The following MBOAT2 variants were observed in gnomAD, a reference collection of about 807,000 sequenced individuals.
MBOAT2 encodes the protein membrane bound glycerophospholipid O-acyltransferase 2, also known as membrane-bound glycerophospholipid O-acyltransferase 2.
MBOAT2 carries 28 observed loss-of-function variants against 63.4 expected under a neutral mutation model. That is an observed-to-expected ratio of 0.44 (90% CI 0.33 to 0.61). The LOEUF is 0.61. Ranked by LOEUF, MBOAT2 falls within the 20% of genes least tolerant of loss-of-function variation. The pLI, the probability that MBOAT2 is intolerant of heterozygous loss-of-function variation, is 0.03. For missense variants in MBOAT2, 470 were observed against 605.8 expected (o/e 0.78, Z 2.35); for synonymous variants, 211 against 215.6 (o/e 0.98, Z 0.19).
rs1279346489 is a variant in MBOAT2 at position 8,853,371 on chromosome 2, A to G, written c.*5308T>C. ...TCTGTGTGCGCAGAACCAAAAATACATAAAATTGGGAAAGAGGCATATTTA... is the reference window on the plus strand; with the variant it reads ...TCTGTGTGCGCAGAACCAAAAATACGTAAAATTGGGAAAGAGGCATATTTA... On this transcript the variant is annotated 3_prime_UTR_variant, in exon 13 of 13. Transcript: ENST00000305997. 3 of 152,228 alleles carry G rather than the reference A, an allele frequency of 2.0e-5. No homozygotes were observed. Among genetic ancestry groups the G allele is most frequent in the East Asian group, 1.9e-4 (1 of 5,206 alleles). 9.4% of individuals were successfully genotyped at this position (152,228 alleles called of 1,614,324 possible).
chr2:8,900,887 G>T (rs936861571), intron 4 of MBOAT2, among the ~76,000 whole-genome samples: 15 of 152,224 alleles, frequency 9.9e-5, no homozygotes, highest in African/African-American at 3.6e-4. Flanking sequence ...AGAATACTGG[G>T]GCCAGGCTGT....
chr2:8,977,010 C>T (rs77695500), intron 1 of MBOAT2, among the ~76,000 whole-genome samples: 3,275 of 152,092 alleles, frequency 0.022, 128 homozygotes, highest in African/African-American at 0.074. Flanking sequence ...TGACAAAAAG[C>T]TTATCAGTGG....
At chr2:8,991,956 T>C (rs1285043621) in intron 1 of MBOAT2, among the ~76,000 whole-genome samples, 3 of 152,194 alleles carry the variant, frequency 2.0e-5, no homozygotes, top group African/African-American at 4.8e-5. Flanking sequence ...CCCACGCATC[T>C]GCCTTTCCAT....
intron 1 of MBOAT2, among the ~76,000 whole-genome samples, chr2:9,000,557 A>G (rs1473442612): frequency 6.6e-6 from 1 of 152,250 alleles, no homozygotes; most frequent in African/African-American, 2.4e-5. Context: ...AACTCAAACT[A>G]CAGTCATGTG....
chr2:8,936,149 T>A (rs1262930579), intron 3 of MBOAT2, among the ~76,000 whole-genome samples: 2 of 152,188 alleles, frequency 1.3e-5, no homozygotes, highest in Non-Finnish European at 2.9e-5. Flanking sequence ...TGGTGGGTAG[T>A]TTGACTGTAA....
intron 1 of MBOAT2, among the ~76,000 whole-genome samples, chr2:8,975,352 C>T (rs1283875043): frequency 6.6e-6 from 1 of 152,122 alleles, no homozygotes. Flanking sequence ...TAAACCGTCA[C>T]TCACTGGCCT....
chr2:8,986,845 C>T (rs1300363153), intron 1 of MBOAT2, among the ~76,000 whole-genome samples: 1 of 152,190 alleles, frequency 6.6e-6, no homozygotes, highest in Non-Finnish European at 1.5e-5. Context: ...CACGCGAGCA[C>T]ACCCCCAAGT....
chr2:8,980,541 G>C (rs1337076052), intron 1 of MBOAT2, among the ~76,000 whole-genome samples: 2 of 152,088 alleles, frequency 1.3e-5, no homozygotes, highest in African/African-American at 4.8e-5. Context: ...TGCCTACCTG[G>C]CCACCTAGAC....
chr2:8,947,654 G>C (rs1668513788), intron 2 of MBOAT2, among the ~76,000 whole-genome samples: 1 of 152,118 alleles, frequency 6.6e-6, no homozygotes, highest in African/African-American at 2.4e-5. Flanking sequence ...TCTGTTAATG[G>C]AAAAACAAAG....
chr2:8,915,981 G>C (rs895998958), intron 3 of MBOAT2, among the ~76,000 whole-genome samples: 1 of 152,166 alleles, frequency 6.6e-6, no homozygotes. Context: ...TGGTTTATGG[G>C]AGGCAGAAAA....
chr2:8,909,766 G>GT (rs1275844429), intron 3 of MBOAT2, among the ~76,000 whole-genome samples: 1 of 152,170 alleles, frequency 6.6e-6, no homozygotes, highest in African/African-American at 2.4e-5. Context: ...CATGATTGCT[G>GT]TATCTGACAA....
intron 4 of MBOAT2, among the ~76,000 whole-genome samples, chr2:8,906,576 G>T (rs988444963): frequency 6.6e-6 from 1 of 152,178 alleles, no homozygotes; most frequent in East Asian, 1.9e-4. Flanking sequence ...CTCTTATTAC[G>T]TTGAGCCACT....
chr2:8,871,335 A>G (rs1039316048), intron 8 of MBOAT2, among the ~76,000 whole-genome samples: 10 of 152,128 alleles, frequency 6.6e-5, no homozygotes, highest in African/African-American at 2.2e-4. Flanking sequence ...ATTTACAGAG[A>G]TCTTGTGATT....
chr2:8,958,091 C>T (rs1669352896), intron 2 of MBOAT2, among the ~76,000 whole-genome samples: 1 of 152,078 alleles, frequency 6.6e-6, no homozygotes, highest in African/African-American at 2.4e-5. Context: ...TAAAAAATGG[C>T]AATAAAGTTC....
chr2:8,872,187 C>T (rs57466485), intron 8 of MBOAT2, among the ~76,000 whole-genome samples: 4,052 of 152,314 alleles, frequency 0.027, 148 homozygotes, highest in African/African-American at 0.085. Flanking sequence ...GAGGTACCTC[C>T]ATGTCTCTTT....
intron 1 of MBOAT2, among the ~76,000 whole-genome samples, chr2:8,992,323 T>G (rs568455488): frequency 6.6e-6 from 1 of 152,320 alleles, no homozygotes; most frequent in Admixed American, 6.5e-5. Context: ...TAATACAGAT[T>G]TGAAGGTCTC....
intron 6 of MBOAT2, among the ~76,000 whole-genome samples, chr2:8,879,337 C>T (rs1662936265): frequency 6.6e-6 from 1 of 152,162 alleles, no homozygotes; most frequent in Non-Finnish European, 1.5e-5. Context: ...TATGTATCAC[C>T]GTTAGCAAGG....
At chr2:8,899,367 C>A (rs1323447707) in intron 4 of MBOAT2, among the ~76,000 whole-genome samples, 5 of 152,340 alleles carry the variant, frequency 3.3e-5, no homozygotes, top group African/African-American at 1.2e-4. Context: ...TGGTTACAGG[C>A]TGTTCCAGGA....
Position 8,877,204 on chromosome 2 carries a change from T to G in MBOAT2, c.516A>C (p.Pro172=), listed in dbSNP as rs755238578. The change falls in exon 7 of 13, where the codon CCA becomes CCC. Residue 172 remains proline (P), a synonymous_variant. Coordinates refer to ENST00000305997, the MANE Select transcript of MBOAT2 (RefSeq NM_138799.4). ...TGTAACTCAAATACTCCAGTAAGCTTGGCATGCGCCTGCAATGAAAAGACA... is the reference window on the plus strand; with the variant it reads ...TGTAACTCAAATACTCCAGTAAGCTGGGCATGCGCCTGCAATGAAAAGACA... ...SQRDLAVRRM[P]SLLEYLSYNC... The G allele has an allele frequency of 1.5e-5, 24 of 1,610,696 alleles. No individual in the cohort carries two copies. Among genetic ancestry groups the G allele is most frequent in the Non-Finnish European group, 2.0e-5 (23 of 1,178,880 alleles).
Sources: gnomAD v4.1 joint callset for allele counts (sites outside exome capture counted in the v4.1 genomes callset) on GRCh38, gnomAD v4.1.1 for gene constraint, MANE v1.5 for transcripts, NCBI Gene and HGNC (gene_info 2026-07-23, HGNC 2026-07-21) for gene names.